DIP2C: variants seen among roughly 807,000 people sequenced by gnomAD.
DIP2C encodes disco-interacting protein 2 homolog C.
A neutral mutation model predicts 192.4 loss-of-function variants in DIP2C; 33 were observed. The ratio of observed to expected loss-of-function variants is 0.17; its 90% CI spans 0.13 to 0.23. The LOEUF is 0.23. Among genes scored for constraint, DIP2C ranks in the 10% least tolerant of loss-of-function variants. DIP2C has a pLI of 1.00. For missense variants in DIP2C, 1,537 were observed against 2,110.1 expected (o/e 0.73, Z 5.32); for synonymous variants, 979 against 864.1 (o/e 1.13, Z -2.33).
rs1564323993 is a variant in DIP2C at position 666,268 on chromosome 10, G to A, written c.85+23226C>T. ...GCAAAGGGCATCACTCCCTACCCAC[G>A]AAAGACTCACAACATCCCTGGAAAA... On this transcript the variant is annotated intron_variant, in intron 1 of 36. Coordinates refer to ENST00000280886, the MANE Select transcript of DIP2C (RefSeq NM_014974.3). This position sits in a 1 kb window ranked among gnomAD's most constrained non-coding sequence, Gnocchi z 4.1. The A allele has an allele frequency of 6.6e-6, 1 of 152,272 alleles. No homozygotes were observed. The highest frequency in any genetic ancestry group is 1.9e-4 in the East Asian group (1 of 5,196). 9.4% of individuals were successfully genotyped at this position (152,272 alleles called of 1,614,324 possible). A position where few individuals can be genotyped will look rare whatever the true frequency, so the allele number is the denominator to read the frequency against.
At position 409,139 on chromosome 10, in the gene DIP2C, T is replaced by C. The variant is rs905465567; in HGVS notation, c.1058-122A>G. ...CTGCGTATCATGGTCTGCAAGCGAC[T>C]TGAAGTGGGGGCAGCTGAGCAAAGG... On this transcript the variant is annotated intron_variant, in intron 8 of 36. Transcript: ENST00000280886. The C allele has an allele frequency of 1.1e-5, 10 of 889,804 alleles. No homozygotes were observed. In the African/African-American group the frequency reaches 1.3e-4, roughly 12 times the overall value. 55.1% of individuals were successfully genotyped at this position (889,804 alleles called of 1,614,324 possible). A position where few individuals can be genotyped will look rare whatever the true frequency, so the allele number is the denominator to read the frequency against.
intron 18 of DIP2C, among the ~76,000 whole-genome samples, chr10:366,672 G>A (rs755049113): frequency 5.9e-4 from 67 of 113,016 alleles, no homozygotes; most frequent in Non-Finnish European, 1.1e-3. Context: ...GTTGTATTTA[G>A]GGGCGTGACA....
At position 390,393 on chromosome 10, in the gene DIP2C, T is replaced by C; in HGVS notation, c.1385-20A>G. On this transcript the variant is annotated intron_variant, in intron 11 of 36. Coordinates refer to ENST00000280886, the MANE Select transcript of DIP2C (RefSeq NM_014974.3). Reference sequence around the variant, plus strand: ...GCCAACCTTGGAAATAAACAACAAGTTCCTTTTAAATGTTACTCTGAAAGT... The same window carrying C: ...GCCAACCTTGGAAATAAACAACAAGCTCCTTTTAAATGTTACTCTGAAAGT... 1 of 1,607,742 alleles carries C rather than the reference T, an allele frequency of 6.2e-7. No homozygotes were observed. The highest frequency in any genetic ancestry group is 2.2e-5 in the East Asian group (1 of 44,830).
At chr10:661,053 T>C (rs1588709402) in intron 1 of DIP2C, among the ~76,000 whole-genome samples, 1 of 152,168 alleles carries the variant, frequency 6.6e-6, no homozygotes, top group African/African-American at 2.4e-5. Context: ...GGTTGAGGCT[T>C]TTCTGCAGAC....
intron 1 of DIP2C, among the ~76,000 whole-genome samples, chr10:604,538 G>A (rs548626591): frequency 3.3e-5 from 5 of 152,360 alleles, no homozygotes; most frequent in Admixed American, 2.0e-4. Flanking sequence ...TGAGCCTGGC[G>A]TCATGAGCGC....
chr10:570,542 CCA>C (rs1849726955), intron 1 of DIP2C, among the ~76,000 whole-genome samples: 1 of 152,226 alleles, frequency 6.6e-6, no homozygotes. Flanking sequence ...TTCCATCCAG[CCA>C]GACATCACAC....
At chr10:489,730 AC>A (rs1844296396) in intron 1 of DIP2C, among the ~76,000 whole-genome samples, 1 of 115,492 alleles carries the variant, frequency 8.7e-6, no homozygotes, top group African/African-American at 3.5e-5. Context: ...GGCTTCCTCC[AC>A]TTCACACTAG....
intron 9 of DIP2C, among the ~76,000 whole-genome samples, chr10:405,339 A>T (rs537789733): frequency 6.6e-6 from 1 of 152,342 alleles, no homozygotes; most frequent in South Asian, 2.1e-4. Context: ...AATGCTGAAA[A>T]TTTCATATTA....
At chr10:452,762 G>A (rs963370818) in intron 3 of DIP2C, among the ~76,000 whole-genome samples, 1 of 152,188 alleles carries the variant, frequency 6.6e-6, no homozygotes, top group Non-Finnish European at 1.5e-5. Context: ...TACTGAGGAG[G>A]TCTCTTATGA....
chr10:583,890 A>T (rs1463892625), intron 1 of DIP2C, among the ~76,000 whole-genome samples: 2 of 152,206 alleles, frequency 1.3e-5, no homozygotes. Flanking sequence ...CTTCTCCAAG[A>T]ACCAAGCACG....
intron 1 of DIP2C, among the ~76,000 whole-genome samples, chr10:656,075 T>C (rs1370804997): frequency 1.3e-5 from 2 of 151,242 alleles, no homozygotes; most frequent in Admixed American, 6.6e-5. Context: ...ATATATAATG[T>C]TACACTGTTT....
intron 1 of DIP2C, among the ~76,000 whole-genome samples, chr10:685,652 A>AAATAAT (rs749347353): frequency 6.6e-6 from 1 of 151,992 alleles, no homozygotes; most frequent in Non-Finnish European, 1.5e-5. Flanking sequence ...ATCTTTTTTA[A>AAATAAT]AATAATAATA....
chr10:546,254 C>A (rs1414723502), intron 1 of DIP2C, among the ~76,000 whole-genome samples: 1 of 141,930 alleles, frequency 7.0e-6, no homozygotes, highest in Non-Finnish European at 1.5e-5. Flanking sequence ...TACACTCCAG[C>A]CTGGGTGACA....
chr10:668,080 C>T (rs28971758), intron 1 of DIP2C: 137,117 of 151,980 alleles, frequency 0.9, 62,472 homozygotes, highest in South Asian at 0.97. Flanking sequence ...ATACAACACA[C>T]ACAACACATG....
At position 568,788 on chromosome 10, in the gene DIP2C, AAAAAAAAAAAC is replaced by A. The variant is rs1262004589; in HGVS notation, c.86-82269_86-82259del. On this transcript the variant is annotated intron_variant, in intron 1 of 36. Transcript: ENST00000280886. Reference sequence around the variant, plus strand: ...CTCAAAAAAAAAAAAAAAAAAAAAAAAAAAAAAAAACCTTCACTTGATCTGCAAGATGGCTG... The same window carrying A: ...CTCAAAAAAAAAAAAAAAAAAAAAAACTTCACTTGATCTGCAAGATGGCTG... Among the ~76,000 whole-genome samples the A allele has an allele frequency of 5.3e-4, 75 of 142,624 alleles. 1 individual carries two copies. Among genetic ancestry groups the A allele is most frequent in the Non-Finnish European group, 6.7e-4 (44 of 65,632 alleles). 93.6% of individuals were successfully genotyped at this position (142,624 alleles called of 152,430 possible).
intron 34 of DIP2C, among the ~76,000 whole-genome samples, chr10:283,731 A>C (rs982878799): frequency 2.0e-5 from 3 of 152,230 alleles, no homozygotes; most frequent in Admixed American, 1.3e-4. Flanking sequence ...AATAGGTTTT[A>C]AAAATATACA....
At chr10:655,955 C>T (rs1392898762) in intron 1 of DIP2C, among the ~76,000 whole-genome samples, 1 of 151,884 alleles carries the variant, frequency 6.6e-6, no homozygotes, top group African/African-American at 2.4e-5. Context: ...TTCTACGCTA[C>T]CCTATATAAC....
chr10:425,617 T>G (rs1033613041), intron 4 of DIP2C, among the ~76,000 whole-genome samples: 7 of 149,288 alleles, frequency 4.7e-5, no homozygotes, highest in Non-Finnish European at 1.0e-4. Context: ...CAGCGGTGAC[T>G]AATATGACAT....
At chr10:392,726 AGGTACACACG>A (rs1335308825) in intron 10 of DIP2C, among the ~76,000 whole-genome samples, 255 of 127,006 alleles carry the variant, frequency 2.0e-3, no homozygotes, top group East Asian at 0.02. Context: ...ACACGCGCCC[AGGTACACACG>A]CGCACACACT....
Sources: allele counts gnomAD v4.1 joint callset (sites outside exome capture counted in the v4.1 genomes callset), GRCh38; gene constraint gnomAD v4.1.1; non-coding constraint Gnocchi (gnomAD v3.1); transcripts MANE v1.5; gene names NCBI Gene and HGNC (gene_info 2026-07-23, HGNC 2026-07-21).